DNAH8: variants seen among roughly 807,000 people sequenced by gnomAD.
The protein encoded by DNAH8 is dynein axonemal heavy chain 8.
In DNAH8, 382 loss-of-function variants were observed where a neutral mutation model predicts 562.1. The ratio of observed to expected loss-of-function variants is 0.68; its 90% CI spans 0.63 to 0.74. DNAH8 has a LOEUF of 0.74. DNAH8 is among the 30% of genes least tolerant of loss of function. The probability of loss-of-function intolerance (pLI) is 0.00; values close to 1 mark genes in which losing one functional copy is unlikely to be tolerated. For missense variants in DNAH8, 5,203 were observed against 5,620.4 expected (o/e 0.93, Z 2.37); for synonymous variants, 1,881 against 1,919.4 (o/e 0.98, Z 0.52).
chr6:38,827,733 C>CTTTT lies in DNAH8; in HGVS notation c.4084-416_4084-413dup, dbSNP rs562852660. On this transcript the variant is annotated intron_variant, in intron 29 of 92. Coordinates refer to ENST00000327475, the MANE Select transcript of DNAH8 (RefSeq NM_001206927.2). ...TGCAAAAGCTTAATTCTTTACCAAA[C>CTTTT]TTTTTTTTTTTTTTTTTTTTTTTTT... 1.9e-3 allele frequency among the ~76,000 whole-genome samples: 97 copies of CTTTT among 52,244 alleles called. 43 individuals carry two copies. Among genetic ancestry groups the CTTTT allele is most frequent in the South Asian group, 2.8e-3 (4 of 1,454 alleles). The allele number at this position is 52,244 out of a possible 152,430, so 34.3% of individuals were successfully genotyped here.
intron 81 of DNAH8, 114 bp from the exon 82 acceptor site, chr6:38,951,204 A>G: frequency 2.3e-6 from 2 of 862,366 alleles, no homozygotes; most frequent in Admixed American, 4.4e-5. Context: ...GATGTGGAAA[A>G]GTAGGAATTA....
intron 24 of DNAH8, among the ~76,000 whole-genome samples, chr6:38,808,110 G>T (rs934863072): frequency 1.3e-5 from 2 of 152,184 alleles, no homozygotes; most frequent in Non-Finnish European, 2.9e-5. Flanking sequence ...CATCCATGGG[G>T]TATAGTTTTT....
intron 24 of DNAH8, among the ~76,000 whole-genome samples, chr6:38,808,291 A>G (rs1481583339): frequency 4.6e-5 from 7 of 152,086 alleles, no homozygotes; most frequent in African/African-American, 1.7e-4. Flanking sequence ...TGCATGCCTC[A>G]TTTTACCAGG....
intron 62 of DNAH8, among the ~76,000 whole-genome samples, chr6:38,901,802 A>G (rs1359249559): frequency 6.6e-6 from 1 of 152,268 alleles, no homozygotes; most frequent in Non-Finnish European, 1.5e-5. Context: ...AACATAAAAT[A>G]TCAAATAAGT....
rs537482626 is a variant in DNAH8 at position 38,718,268 on chromosome 6, G to A, written c.-35+2853G>A. ...GTGTATGTGTGTCTGTATATATATT[G>A]TATATCTATCTATATATAGTTGGTA... On this transcript the variant is annotated intron_variant, in intron 1 of 92. Coordinates refer to ENST00000327475, the MANE Select transcript of DNAH8 (RefSeq NM_001206927.2). 3.3e-5 allele frequency among the ~76,000 whole-genome samples: 5 copies of A among 152,026 alleles called. No individual in the cohort carries two copies. The South Asian group carries it at 1.0e-3, about 32-fold the overall frequency.
intron 70 of DNAH8, 148 bp from the exon 71 acceptor site, chr6:38,921,221 A>G: frequency 2.3e-6 from 2 of 875,558 alleles, no homozygotes; most frequent in Non-Finnish European, 3.4e-6. Context: ...ACCCTCCAAG[A>G]CGCTTTGCTT....
chr6:38,902,225 C>CTT (rs2150510749), intron 62 of DNAH8, among the ~76,000 whole-genome samples: 1 of 152,290 alleles, frequency 6.6e-6, no homozygotes, highest in East Asian at 1.9e-4. Context: ...GAGACTGACC[C>CTT]TTCTAGGTTA....
chr6:38,917,447 A>T, intron 69 of DNAH8, 41 bp downstream of exon 69: 15 of 1,550,162 alleles, frequency 9.7e-6, no homozygotes, highest in Non-Finnish European at 1.3e-5. Context: ...GAGCTGCATC[A>T]GGCGTCCTCA....
chr6:38,793,080 C>G (rs533432262), intron 21 of DNAH8, among the ~76,000 whole-genome samples: 1 of 151,972 alleles, frequency 6.6e-6, no homozygotes, highest in East Asian at 1.9e-4. Flanking sequence ...CCATGCCCAG[C>G]CTTAAAATTA....
At chr6:38,990,889 C>A (rs1332038296) in intron 88 of DNAH8, among the ~76,000 whole-genome samples, 1 of 152,168 alleles carries the variant, frequency 6.6e-6, no homozygotes, top group African/African-American at 2.4e-5. Flanking sequence ...TGGAATGGAC[C>A]GCATGTCCTC....
chr6:39,028,874 A>G (rs1308672434), intron 92 of DNAH8, among the ~76,000 whole-genome samples: 1 of 152,194 alleles, frequency 6.6e-6, no homozygotes, highest in Admixed American at 6.5e-5. Flanking sequence ...TTTTGGTTCA[A>G]AAAACACAGT....
In DNAH8 at chr6:38,826,248, T is replaced by C. The variant is rs751967637; in HGVS notation, c.3940T>C (p.Tyr1314His). The C allele has an allele frequency of 6.2e-7, 1 of 1,613,590 alleles. No homozygotes were observed. Among genetic ancestry groups the C allele is most frequent in the Non-Finnish European group, 8.5e-7 (1 of 1,179,682 alleles). ...TGAAGAATACAAAAAGAAAATGTCA[T>C]ACATGATAGCATTTATTAATGAATA... The part of the protein sequence containing the change: ...LNEEYKKKMS[Y>H]MIAFINEYLK... The change falls in exon 29 of 93, where the codon TAC (tyrosine) becomes CAC (histidine). Residue 1314 changes from tyrosine to histidine, a missense_variant. This residue lies in a region of DNAH8 where 2,176 missense variants were observed against 2,365.1 expected (regional missense o/e 0.92). Transcript: ENST00000327475.
rs560493048 is a variant in DNAH8, at chr6:38,852,547, G to A, written c.5467-147G>A. ...AAAAGTAGACCTCCAAGCCAGTTAA[G>A]GGTCAAAGCAGAGTCTCTCTCTATT... On this transcript the variant is annotated intron_variant, in intron 39 of 92. Coordinates refer to ENST00000327475, the MANE Select transcript of DNAH8 (RefSeq NM_001206927.2). 13 of 569,098 alleles carry A rather than the reference G, an allele frequency of 2.3e-5. 1 individual carries two copies. The Admixed American group carries it at 4.1e-4, about 18-fold the overall frequency. 35.3% of individuals were successfully genotyped at this position (569,098 alleles called of 1,614,324 possible).
chr6:39,014,107 A>G (rs571158424), intron 91 of DNAH8, among the ~76,000 whole-genome samples: 5 of 152,274 alleles, frequency 3.3e-5, no homozygotes, highest in African/African-American at 4.8e-5. Context: ...CACTGTATGC[A>G]TTTTCCAATA....
intron 11 of DNAH8, among the ~76,000 whole-genome samples, chr6:38,769,664 G>A (rs1287860466): frequency 2.0e-5 from 3 of 152,174 alleles, no homozygotes; most frequent in South Asian, 2.1e-4. Context: ...ATGGCAAGGG[G>A]TGATTAAGGT....
At position 38,938,182 on chromosome 6, in the gene DNAH8, G is replaced by A. The variant is rs748474274; in HGVS notation, c.11772G>A (p.Thr3924=). ...GCATGGTCAACATCATGTATCAGAC[G>A]TCATTGGCCCAGTTCTTGAAGTTAT... is the stretch of plus-strand genomic sequence containing the variant. The part of the protein sequence containing the change: ...EMSMVNIMYQ[T]SLAQFLKLFD... The change falls in exon 78 of 93, where the codon ACG becomes ACA. Residue 3924 remains threonine (T), a synonymous_variant. Coordinates refer to ENST00000327475, the MANE Select transcript of DNAH8 (RefSeq NM_001206927.2). 24 of 1,613,724 alleles carry A rather than the reference G, an allele frequency of 1.5e-5. No homozygotes were observed. Among genetic ancestry groups the A allele is most frequent in the South Asian group, 1.3e-4 (12 of 91,074 alleles).
chr6:38,971,348 C>T (rs979602281), intron 82 of DNAH8, among the ~76,000 whole-genome samples: 4 of 152,122 alleles, frequency 2.6e-5, no homozygotes, highest in Non-Finnish European at 4.4e-5. Context: ...GCCCACCATA[C>T]GTGCCTTTTT....
At chr6:38,872,046 T>G (rs1777509371) in intron 49 of DNAH8, among the ~76,000 whole-genome samples, 1 of 152,214 alleles carries the variant, frequency 6.6e-6, no homozygotes, top group East Asian at 1.9e-4. Context: ...TGGTTTCTCC[T>G]GGGAGCACTA....
At position 38,737,165 on chromosome 6, in the gene DNAH8, C is replaced by T. The variant is rs1222850683; in HGVS notation, c.861C>T (p.Asn287=). The change falls in exon 6 of 93, where the codon AAC becomes AAT. Residue 287 remains asparagine, a synonymous_variant. Coordinates refer to ENST00000327475, the MANE Select transcript of DNAH8 (RefSeq NM_001206927.2). ...TTCTACCAGCTGTTCTTGCAACAAA[C>T]AACTGGGGTGCTTTAAACCAGTCCA... ...NIFLPAVLAT[N]NWGALNQSKQ... 3 of 1,584,618 alleles carry T rather than the reference C, an allele frequency of 1.9e-6. No homozygotes were observed. Among genetic ancestry groups the T allele is most frequent in the African/African-American group, 2.7e-5 (2 of 73,544 alleles).
Sources: gnomAD v4.1 joint callset for allele counts (sites outside exome capture counted in the v4.1 genomes callset) on GRCh38, gnomAD v4.1.1 for gene constraint, gnomAD v4.1.1 regional missense constraint, MANE v1.5 for transcripts, NCBI Gene and HGNC (gene_info 2026-07-23, HGNC 2026-07-21) for gene names.